Variants in ZNF676 observed in about 807,000 individuals in gnomAD.
ZNF676 encodes the protein zinc finger protein 676.
In ZNF676, 4 loss-of-function variants were observed where a neutral mutation model predicts 6.0. That is an observed-to-expected ratio of 0.67 (90% confidence interval 0.33 to 1.53). The LOEUF is 1.53. ZNF676 is among the 40% of genes most tolerant of loss of function. The pLI is 0.06. For missense variants in ZNF676, 644 were observed against 679.7 expected (o/e 0.95, Z 0.58); for synonymous variants, 198 against 223.1 (o/e 0.89, Z 1.00).
the ZNF676 span, among the ~76,000 whole-genome samples, chr19:22,228,976 A>ACTTT: frequency 1.3e-5 from 2 of 151,466 alleles, no homozygotes; most frequent in East Asian, 1.9e-4. Context: ...GCTACCAATG[A>ACTTT]CTTCACAGCA....
chr19:22,248,564 C>T, the ZNF676 span, among the ~76,000 whole-genome samples: 9 of 152,158 alleles, frequency 5.9e-5, no homozygotes, highest in African/African-American at 2.4e-5. Context: ...GAGAAGTCAC[C>T]GCCTGAATTT....
chr19:22,184,590 A>G (rs1242878071), intron 2 of ZNF676, among the ~76,000 whole-genome samples: 1 of 152,116 alleles, frequency 6.6e-6, no homozygotes, highest in Non-Finnish European at 1.5e-5. Context: ...GTCCCACACC[A>G]TGGAGCCCAG....
At chr19:22,221,959 G>C in the ZNF676 span, among the ~76,000 whole-genome samples, 1 of 152,028 alleles carries the variant, frequency 6.6e-6, no homozygotes, top group African/African-American at 2.4e-5. Context: ...CTGTCTTGAT[G>C]ATATGTCTAA....
chr19:22,256,770 C>G, the ZNF676 span, among the ~76,000 whole-genome samples: 6 of 152,010 alleles, frequency 3.9e-5, no homozygotes, highest in Non-Finnish European at 8.8e-5. Flanking sequence ...TGGCAGGGCC[C>G]AGGCAGAAGA....
At chr19:22,188,342 G>C (rs750266234) in intron 2 of ZNF676, among the ~76,000 whole-genome samples, 3 of 152,092 alleles carry the variant, frequency 2.0e-5, no homozygotes, top group Non-Finnish European at 4.4e-5. Flanking sequence ...CACTAAACTA[G>C]GTAGAGATGG....
At chr19:22,186,399 A>G (rs1290840633) in intron 2 of ZNF676, among the ~76,000 whole-genome samples, 2 of 152,230 alleles carry the variant, frequency 1.3e-5, no homozygotes, top group Non-Finnish European at 2.9e-5. Flanking sequence ...ATCAAAAGGA[A>G]CAACTGGTAA....
chr19:22,230,925 T>C, the ZNF676 span, among the ~76,000 whole-genome samples: 8 of 151,330 alleles, frequency 5.3e-5, no homozygotes, highest in African/African-American at 1.9e-4. Context: ...CCAAAAGTGC[T>C]GGGATTACAG....
At chr19:22,214,444 G>A (rs550475101) in intron 1 of ZNF676, among the ~76,000 whole-genome samples, 18 of 151,420 alleles carry the variant, frequency 1.2e-4, no homozygotes, top group Middle Eastern at 6.8e-3. Flanking sequence ...GTGAAACCCC[G>A]TCCCTATTAA....
the ZNF676 span, among the ~76,000 whole-genome samples, chr19:22,250,751 AC>A: frequency 2.0e-5 from 3 of 148,198 alleles, no homozygotes; most frequent in East Asian, 2.0e-4. Flanking sequence ...TCCTTCTATC[AC>A]CCAGCCTGGG....
the ZNF676 span, among the ~76,000 whole-genome samples, chr19:22,234,976 G>GC: frequency 3.0e-5 from 2 of 65,714 alleles, no homozygotes; most frequent in African/African-American, 1.4e-4. Flanking sequence ...AAGAAAGAAA[G>GC]AAAGAAAGAA....
the ZNF676 span, among the ~76,000 whole-genome samples, chr19:22,222,954 G>T: frequency 1.3e-4 from 20 of 152,178 alleles, no homozygotes; most frequent in African/African-American, 4.1e-4. Flanking sequence ...TACTAGAGAG[G>T]GTCTTCCCAG....
chr19:22,251,621 C>G, the ZNF676 span, among the ~76,000 whole-genome samples: 3 of 152,032 alleles, frequency 2.0e-5, no homozygotes, highest in Non-Finnish European at 4.4e-5. Flanking sequence ...AACCCTGTCT[C>G]TGCTAAAAAT....
At chr19:22,228,105 A>G in the ZNF676 span, among the ~76,000 whole-genome samples, 1 of 152,326 alleles carries the variant, frequency 6.6e-6, no homozygotes, top group East Asian at 1.9e-4. Flanking sequence ...AAAATCCTCA[A>G]TAAAATACTG....
At chr19:22,193,988 C>A (rs1469214712) in intron 1 of ZNF676, among the ~76,000 whole-genome samples, 1 of 152,130 alleles carries the variant, frequency 6.6e-6, no homozygotes, top group African/African-American at 2.4e-5. Flanking sequence ...TGATATGGAG[C>A]TTAAACTGGC....
upstream of ZNF676, chr19:22,215,802 C>CT (rs570410008): frequency 1.0e-5 from 7 of 688,790 alleles, no homozygotes; most frequent in Middle Eastern, 3.7e-4. Context: ...ACCTGTCCCC[C>CT]CCCCCAGCTG....
chr19:22,252,677 C>A, the ZNF676 span, among the ~76,000 whole-genome samples: 1 of 152,212 alleles, frequency 6.6e-6, no homozygotes, highest in Non-Finnish European at 1.5e-5. Flanking sequence ...GATTACATCA[C>A]CTTCATGTTG....
chr19:22,215,574 C>T lies in ZNF676; in HGVS notation c.3+58G>A, dbSNP rs1404803502. ...GCTTGAGTCCCGCCACAGCCACTTCCCGCCGGTTCCAACCAGCCCAGGCCA... is the reference window on the plus strand; with the variant it reads ...GCTTGAGTCCCGCCACAGCCACTTCTCGCCGGTTCCAACCAGCCCAGGCCA... On this transcript the variant is annotated intron_variant, in intron 1 of 3. Coordinates refer to the ZNF676 transcript ENST00000650058. The T allele has an allele frequency of 2.5e-6, 4 of 1,596,770 alleles. No individual in the cohort carries two copies. The Admixed American group carries it at 5.1e-5, about 20-fold the overall frequency.
At chr19:22,217,568 A>G (rs1368935270), upstream of ZNF676, among the ~76,000 whole-genome samples, 1 of 149,942 alleles carries the variant, frequency 6.7e-6, no homozygotes, top group Non-Finnish European at 1.5e-5. Flanking sequence ...GAGGAAATAC[A>G]ATATTTGGGT....
chr19:22,205,115 G>T (rs189173075), intron 1 of ZNF676, among the ~76,000 whole-genome samples: 227 of 152,146 alleles, frequency 1.5e-3, no homozygotes, highest in Admixed American at 3.9e-3. Context: ...AAAAGCAGAA[G>T]AGAGAAAATT....
Sources: allele counts gnomAD v4.1 joint callset (sites outside exome capture counted in the v4.1 genomes callset), GRCh38; gene constraint gnomAD v4.1.1; transcripts MANE v1.5; gene names NCBI Gene and HGNC (gene_info 2026-07-23, HGNC 2026-07-21).